The following RUNDC3B variants were observed in gnomAD, a reference collection of about 807,000 sequenced individuals.
RUNDC3B encodes RUN domain containing 3B, also known as RUN domain-containing protein 3B.
A neutral mutation model predicts 58.4 loss-of-function variants in RUNDC3B; 33 were observed. The ratio of observed to expected loss-of-function variants is 0.56; its 90% CI spans 0.43 to 0.75. The LOEUF is 0.75. RUNDC3B is among the 30% of genes least tolerant of loss of function. The pLI, the probability that RUNDC3B is intolerant of heterozygous loss-of-function variation, is 0.00. For synonymous variants in RUNDC3B, 193 were observed against 195.2 expected (o/e 0.99, Z 0.10); for missense variants, 501 against 535.7 (o/e 0.94, Z 0.64).
chr7:87,705,724 T>G (rs1222044368), intron 3 of RUNDC3B, among the ~76,000 whole-genome samples: 2 of 152,204 alleles, frequency 1.3e-5, no homozygotes, highest in African/African-American at 4.8e-5. Flanking sequence ...CTGACTTATC[T>G]CATTCTTTTC....
At chr7:87,794,507 G>A (rs761127108) in intron 8 of RUNDC3B, among the ~76,000 whole-genome samples, 2 of 151,596 alleles carry the variant, frequency 1.3e-5, no homozygotes, top group Non-Finnish European at 2.9e-5. Context: ...AAAATAGAAA[G>A]ATATTCCATG....
At chr7:87,729,239 C>T (rs950012969) in intron 4 of RUNDC3B, among the ~76,000 whole-genome samples, 2 of 151,628 alleles carry the variant, frequency 1.3e-5, no homozygotes, top group African/African-American at 4.8e-5. Context: ...AAGAACTATC[C>T]GAACAAAAAA....
At chr7:87,797,708 C>T (rs777147728) in intron 8 of RUNDC3B, among the ~76,000 whole-genome samples, 1 of 152,122 alleles carries the variant, frequency 6.6e-6, no homozygotes. Flanking sequence ...AAATTCAGTT[C>T]TTATGGAATA....
chr7:87,628,898 C>A lies in RUNDC3B; in HGVS notation c.75C>A (p.Ser25Arg). The change falls in exon 1 of 11, where the codon AGC becomes AGA. Residue 25 changes from serine to arginine, a missense_variant. Transcript: ENST00000394654. ...GCGGAGGCGGCAAGAAAAGCCTGAG[C>A]GCCCGCAATGCTGCGGTGGAGAGGA... ...GGGGGGKKSL[S>R]ARNAAVERRN... The A allele has an allele frequency of 7.7e-7, 1 of 1,304,982 alleles. No individual in the cohort carries two copies. The allele number at this position is 1,304,982 out of a possible 1,614,324, so 80.8% of individuals were successfully genotyped here. A position where few individuals can be genotyped will look rare whatever the true frequency, so the allele number is the denominator to read the frequency against.
chr7:87,770,374 A>G (rs568653960), intron 6 of RUNDC3B, among the ~76,000 whole-genome samples: 1 of 152,140 alleles, frequency 6.6e-6, no homozygotes, highest in East Asian at 1.9e-4. Flanking sequence ...TAGTATCTCT[A>G]GGGTTGGTTT....
chr7:87,653,303 A>C (rs1823763477), intron 2 of RUNDC3B, among the ~76,000 whole-genome samples: 1 of 152,104 alleles, frequency 6.6e-6, no homozygotes, highest in South Asian at 2.1e-4. Flanking sequence ...AAGCCACTGC[A>C]AAAGCTGGAT....
intron 6 of RUNDC3B, among the ~76,000 whole-genome samples, chr7:87,750,611 G>T (rs979511347): frequency 2.0e-5 from 3 of 152,026 alleles, no homozygotes; most frequent in African/African-American, 7.3e-5. Context: ...GTTTTGATTT[G>T]CATTTCTCTG....
intron 5 of RUNDC3B, among the ~76,000 whole-genome samples, chr7:87,740,317 T>C (rs1832242796): frequency 6.6e-6 from 1 of 152,066 alleles, no homozygotes; most frequent in South Asian, 2.1e-4. Context: ...ACGTCTCTTA[T>C]GTTATGTATG....
At chr7:87,688,383 CAT>C (rs1005232204) in intron 2 of RUNDC3B, among the ~76,000 whole-genome samples, 5 of 151,612 alleles carry the variant, frequency 3.3e-5, no homozygotes, top group African/African-American at 9.7e-5. Context: ...GTAATATATA[CAT>C]ATATATACAC....
intron 2 of RUNDC3B, among the ~76,000 whole-genome samples, chr7:87,678,932 A>G (rs2130574071): frequency 6.6e-6 from 1 of 152,284 alleles, no homozygotes; most frequent in Admixed American, 6.5e-5. Context: ...AGCAAAAGGT[A>G]ACAGAACTGA....
At chr7:87,732,079 C>T (rs756913400) in intron 4 of RUNDC3B, among the ~76,000 whole-genome samples, 83 of 152,034 alleles carry the variant, frequency 5.5e-4, no homozygotes, top group Non-Finnish European at 9.3e-4. Context: ...GACTACAAGG[C>T]GGTAAAACTA....
At chr7:87,821,406 G>C (rs1160620948) in intron 10 of RUNDC3B, among the ~76,000 whole-genome samples, 6 of 152,098 alleles carry the variant, frequency 3.9e-5, no homozygotes, top group Non-Finnish European at 8.8e-5. Context: ...CAAACAAATG[G>C]AAGAACACTC....
chr7:87,676,029 C>G (rs1826317511), intron 2 of RUNDC3B, among the ~76,000 whole-genome samples: 1 of 151,728 alleles, frequency 6.6e-6, no homozygotes, highest in Non-Finnish European at 1.5e-5. Context: ...ACTTTGAGAT[C>G]TACCTGGGCA....
chr7:87,640,265 C>A (rs1822295093), intron 1 of RUNDC3B, among the ~76,000 whole-genome samples: 1 of 151,176 alleles, frequency 6.6e-6, no homozygotes, highest in Admixed American at 6.6e-5. Context: ...TTAGGAAATA[C>A]ACATTTATAT....
intron 1 of RUNDC3B, among the ~76,000 whole-genome samples, chr7:87,645,337 G>T (rs1822896504): frequency 6.6e-6 from 1 of 152,014 alleles, no homozygotes; most frequent in Non-Finnish European, 1.5e-5. Flanking sequence ...ACCTGCCTCA[G>T]CCTCCCAAAG....
chr7:87,805,190 G>T (rs1477457489), intron 8 of RUNDC3B, among the ~76,000 whole-genome samples: 1 of 152,136 alleles, frequency 6.6e-6, no homozygotes, highest in African/African-American at 2.4e-5. Flanking sequence ...TGAATAAACT[G>T]CTCTGTTTAT....
intron 6 of RUNDC3B, among the ~76,000 whole-genome samples, chr7:87,742,137 A>G (rs1832361178): frequency 6.6e-6 from 1 of 152,218 alleles, no homozygotes; most frequent in Non-Finnish European, 1.5e-5. Flanking sequence ...AATAATAATT[A>G]ATGACATCTA....
chr7:87,763,907 A>C (rs1464285857), intron 6 of RUNDC3B, among the ~76,000 whole-genome samples: 2 of 151,932 alleles, frequency 1.3e-5, no homozygotes, highest in East Asian at 3.9e-4. Context: ...TGCCATAGTC[A>C]GGAGCCCAAC....
At chr7:87,777,223 T>G (rs1008530656) in intron 7 of RUNDC3B, among the ~76,000 whole-genome samples, 8 of 152,214 alleles carry the variant, frequency 5.3e-5, no homozygotes, top group African/African-American at 1.9e-4. Context: ...CTAAGCAATT[T>G]ATCTGTATTG....
Sources: gnomAD v4.1 joint callset for allele counts (sites outside exome capture counted in the v4.1 genomes callset) on GRCh38, gnomAD v4.1.1 for gene constraint, MANE v1.5 for transcripts, NCBI Gene and HGNC (gene_info 2026-07-23, HGNC 2026-07-21) for gene names.